RFX3: variants seen among roughly 807,000 people sequenced by gnomAD.
RFX3 encodes the protein regulatory factor X3, also known as transcription factor RFX3.
In RFX3, 14 loss-of-function variants were observed where a neutral mutation model predicts 98.6. That is an observed-to-expected ratio of 0.14 (90% CI 0.09 to 0.22). RFX3 has a LOEUF of 0.22. Among genes scored for constraint, RFX3 ranks in the 10% least tolerant of loss-of-function variants. The pLI is 1.00. For synonymous variants in RFX3, 383 were observed against 328.4 expected (o/e 1.17, Z -1.80); for missense variants, 639 against 926.9 (o/e 0.69, Z 4.03).
At chr9:3,466,575 T>C (rs1440816630) in intron 1 of RFX3, among the ~76,000 whole-genome samples, 1 of 152,158 alleles carries the variant, frequency 6.6e-6, no homozygotes, top group Non-Finnish European at 1.5e-5. Context: ...GTTACTGTAA[T>C]AATCTAGGAA....
chr9:3,449,201 T>C (rs971576555), intron 1 of RFX3, among the ~76,000 whole-genome samples: 2 of 152,222 alleles, frequency 1.3e-5, no homozygotes, highest in Admixed American at 6.5e-5. Context: ...TAGCATACTG[T>C]AGACACTTAA....
intron 1 of RFX3, among the ~76,000 whole-genome samples, chr9:3,471,923 C>A (rs1213716348): frequency 6.6e-6 from 1 of 152,198 alleles, no homozygotes; most frequent in African/African-American, 2.4e-5. Flanking sequence ...TCATTAGGTC[C>A]TAATCTAAAT....
chr9:3,280,780 A>C (rs1425238632), intron 7 of RFX3, among the ~76,000 whole-genome samples: 1 of 151,766 alleles, frequency 6.6e-6, no homozygotes, highest in African/African-American at 2.4e-5. Context: ...GGAACTGGTT[A>C]TTCTAACAAG....
At chr9:3,256,881 T>A in intron 14 of RFX3, 110 bp downstream of exon 14, 1 of 1,015,976 alleles carries the variant, frequency 9.8e-7, no homozygotes, top group Admixed American at 2.1e-5. Context: ...TTCCACAAAC[T>A]AAAGTCTTTA....
intron 1 of RFX3, among the ~76,000 whole-genome samples, chr9:3,432,182 G>A (rs926120594): frequency 3.9e-5 from 6 of 151,978 alleles, no homozygotes; most frequent in Non-Finnish European, 5.9e-5. Flanking sequence ...GTAAATAAAC[G>A]GCCTGTGTTT....
intron 1 of RFX3, among the ~76,000 whole-genome samples, chr9:3,506,433 G>A (rs1024837769): frequency 1.3e-5 from 2 of 151,754 alleles, no homozygotes; most frequent in Non-Finnish European, 2.9e-5. Context: ...GCACAGTAAA[G>A]TTAGGCAGTA....
At chr9:3,319,683 A>G (rs1831029023) in intron 4 of RFX3, among the ~76,000 whole-genome samples, 1 of 152,166 alleles carries the variant, frequency 6.6e-6, no homozygotes, top group Non-Finnish European at 1.5e-5. Flanking sequence ...TAACCCTAAA[A>G]AGAAGTCTGG....
chr9:3,288,049 A>G, intron 7 of RFX3, 82 bp downstream of exon 7: 1 of 1,252,972 alleles, frequency 8.0e-7, no homozygotes, highest in Non-Finnish European at 1.1e-6. Flanking sequence ...TTTTATACTT[A>G]GGTATTTGTT....
chr9:3,412,244 G>A (rs1191334813), intron 1 of RFX3, among the ~76,000 whole-genome samples: 3 of 152,138 alleles, frequency 2.0e-5, no homozygotes, highest in African/African-American at 7.2e-5. Flanking sequence ...TATGTTCAGA[G>A]AAATGTAAGC....
At chr9:3,510,302 T>C (rs189568564) in intron 1 of RFX3, among the ~76,000 whole-genome samples, 1 of 151,966 alleles carries the variant, frequency 6.6e-6, no homozygotes, top group Admixed American at 6.6e-5. Flanking sequence ...GGCCAGGTTA[T>C]AAGATACAGA....
Position 3,463,934 on chromosome 9 carries a change from C to G in RFX3, c.-9+61813G>C, listed in dbSNP as rs1587755661. On this transcript the variant is annotated intron_variant, in intron 1 of 16. Transcript: ENST00000617270. ...GCTGCAGGGAGCTGTGATCATGCCACTGCACTCCTGCCTTCATAAATAAAA... is the reference window on the plus strand; with the variant it reads ...GCTGCAGGGAGCTGTGATCATGCCAGTGCACTCCTGCCTTCATAAATAAAA... Among the ~76,000 whole-genome samples the G allele has an allele frequency of 2.0e-5, 3 of 152,270 alleles. No homozygotes were observed. The East Asian group carries it at 5.8e-4, about 29-fold the overall frequency.
At chr9:3,475,072 C>T (rs1358418849) in intron 1 of RFX3, among the ~76,000 whole-genome samples, 3 of 148,690 alleles carry the variant, frequency 2.0e-5, no homozygotes, top group African/African-American at 7.6e-5. Context: ...GCACTAACAG[C>T]CTGGGCAACA....
chr9:3,467,521 A>G (rs1848420180), intron 1 of RFX3, among the ~76,000 whole-genome samples: 1 of 152,046 alleles, frequency 6.6e-6, no homozygotes, highest in Non-Finnish European at 1.5e-5. Context: ...TTTCTCAAGG[A>G]AAGGTTATAT....
intron 3 of RFX3, among the ~76,000 whole-genome samples, chr9:3,340,629 T>C (rs989515311): frequency 6.6e-6 from 1 of 152,204 alleles, no homozygotes; most frequent in African/African-American, 2.4e-5. Context: ...AAGACATTTA[T>C]GTAGCCAAAA....
chr9:3,319,217 C>G (rs1335701668), intron 4 of RFX3, among the ~76,000 whole-genome samples: 1 of 152,122 alleles, frequency 6.6e-6, no homozygotes, highest in Non-Finnish European at 1.5e-5. Flanking sequence ...ATCCCCTGGG[C>G]ACTTGTTGGA....
chr9:3,510,000 C>G (rs982132336), intron 1 of RFX3, among the ~76,000 whole-genome samples: 1 of 151,884 alleles, frequency 6.6e-6, no homozygotes, highest in African/African-American at 2.4e-5. Context: ...GAATCTGACT[C>G]TAAAATAAAA....
chr9:3,290,809 T>A (rs978246151), intron 6 of RFX3, among the ~76,000 whole-genome samples: 2 of 152,140 alleles, frequency 1.3e-5, no homozygotes, highest in Non-Finnish European at 1.5e-5. Flanking sequence ...GTAAATCTCA[T>A]AAAACTGACA....
intron 1 of RFX3, among the ~76,000 whole-genome samples, chr9:3,496,134 C>T (rs1379000360): frequency 6.6e-6 from 1 of 151,948 alleles, no homozygotes; most frequent in African/African-American, 2.4e-5. Flanking sequence ...GTCACTTCTG[C>T]TCATACAGAT....
At position 3,315,969 on chromosome 9, in the gene RFX3, C is replaced by G. The variant is rs546818077; in HGVS notation, c.474+14290G>C. Among the ~76,000 whole-genome samples, 59 of 152,296 alleles carry G rather than the reference C, an allele frequency of 3.9e-4. 2 individuals are homozygous for G. In the South Asian group the frequency reaches 0.011, roughly 29 times the overall value. On this transcript the variant is annotated intron_variant, in intron 4 of 16. Transcript: ENST00000617270. ...GTACAAAGAGGAGCTGGTACCATTC[C>G]TTCTGAAACTATTCCAATCAATAGA...
Sources: allele counts gnomAD v4.1 joint callset (sites outside exome capture counted in the v4.1 genomes callset), GRCh38; gene constraint gnomAD v4.1.1; transcripts MANE v1.5; gene names NCBI Gene and HGNC (gene_info 2026-07-23, HGNC 2026-07-21).